The following EPN2 variants were observed in gnomAD, a reference collection of about 807,000 sequenced individuals.
EPN2 encodes the protein epsin 2.
EPN2 carries 34 observed loss-of-function variants against 61.7 expected under a neutral mutation model. The observed-to-expected ratio is 0.55, with a 90% CI of 0.42 to 0.73. EPN2 has a LOEUF of 0.73. Among genes scored for constraint, EPN2 ranks in the 30% least tolerant of loss-of-function variants. EPN2 has a pLI of 0.00. For synonymous variants in EPN2, 349 were observed against 353.6 expected (o/e 0.99, Z 0.15); for missense variants, 714 against 839.2 (o/e 0.85, Z 1.84).
chr17:19,336,416 T>C lies in EPN2; in HGVS notation c.*2162T>C, dbSNP rs1265135847. ...TAACGAGTCTTTCATGATGTGACTTTGAGGCCCCAACATGACAGCCACTGG... is the reference window on the plus strand; with the variant it reads ...TAACGAGTCTTTCATGATGTGACTTCGAGGCCCCAACATGACAGCCACTGG... On this transcript the variant is annotated 3_prime_UTR_variant, in exon 11 of 11. Transcript: ENST00000314728. The C allele has an allele frequency of 6.6e-6, 1 of 152,486 alleles. No individual in the cohort carries two copies. Among genetic ancestry groups the C allele is most frequent in the Non-Finnish European group, 1.5e-5 (1 of 68,062 alleles). The allele number at this position is 152,486 out of a possible 1,614,324, so 9.4% of individuals were successfully genotyped here.
chr17:19,331,024 C>A (rs1349024472), intron 9 of EPN2, among the ~76,000 whole-genome samples: 1 of 152,098 alleles, frequency 6.6e-6, no homozygotes, highest in Admixed American at 6.6e-5. Context: ...TGTTTTGAGT[C>A]TTTTTTGCTC....
At chr17:19,294,180 G>A (rs966551250) in intron 4 of EPN2, among the ~76,000 whole-genome samples, 2 of 151,968 alleles carry the variant, frequency 1.3e-5, no homozygotes, top group African/African-American at 4.8e-5. Context: ...CACTTCGAGA[G>A]GCTGAAGCAG....
chr17:19,335,589 C>CG lies in EPN2; in HGVS notation c.*1335_*1336insG. The CG allele has an allele frequency of 4.1e-6, 4 of 977,140 alleles. No homozygotes were observed. The highest frequency in any genetic ancestry group is 2.0e-5 in the South Asian group (1 of 49,102). 60.5% of individuals were successfully genotyped at this position (977,140 alleles called of 1,614,324 possible). ...GGGGTGCTTCTGTGCCCACGGGTCC[C>CG]TGGGCAACAGTCCCTAGGCTAAGAC... is the stretch of plus-strand genomic sequence containing the variant. On this transcript the variant is annotated 3_prime_UTR_variant, in exon 11 of 11. Coordinates refer to ENST00000314728, the MANE Select transcript of EPN2 (RefSeq NM_014964.5).
chr17:19,330,437 T>C (rs976941201), intron 9 of EPN2, among the ~76,000 whole-genome samples: 2 of 152,120 alleles, frequency 1.3e-5, no homozygotes, highest in African/African-American at 2.4e-5. Context: ...GGCTAGGCCC[T>C]GGTGTGAGGT....
intron 4 of EPN2, among the ~76,000 whole-genome samples, chr17:19,294,557 A>G (rs2045496677): frequency 6.6e-6 from 1 of 152,268 alleles, no homozygotes; most frequent in Admixed American, 6.5e-5. Context: ...TATTGTTTAT[A>G]AACTGTCAAT....
At position 19,313,117 on chromosome 17, in the gene EPN2, C is replaced by T; in HGVS notation, c.985C>T (p.Pro329Ser). Residue 329 changes from proline to serine, a missense_variant, in exon 7 of 11, where the codon CCA (proline) becomes TCA (serine). Coordinates refer to ENST00000314728, the MANE Select transcript of EPN2 (RefSeq NM_014964.5). ...IPKKKEHGSL[P>S]QQTTLLDLMD... The stretch of plus-strand genomic sequence containing the variant: ...TTTGTCTTAAAAGCATGGCTCTCTC[C>T]CACAGCAGACTACGCTGTTGGATTT... 1 of 1,613,750 alleles carries T rather than the reference C, an allele frequency of 6.2e-7. No individual in the cohort carries two copies. The highest frequency in any genetic ancestry group is 1.1e-5 in the South Asian group (1 of 91,068).
rs979739686 is a variant in EPN2, at chr17:19,328,961, T to G, written c.1324+74T>G. On this transcript the variant is annotated intron_variant, in intron 8 of 10. Coordinates refer to ENST00000314728, the MANE Select transcript of EPN2 (RefSeq NM_014964.5). ...GGGCCCTGCAGCCGCTCCTGGCTCC[T>G]AGGCATCAGCCCTGTTGCTTTGCTT... The G allele has an allele frequency of 2.2e-6, 3 of 1,379,194 alleles. No homozygotes were observed. The African/African-American group carries it at 4.3e-5, about 20-fold the overall frequency. The allele number at this position is 1,379,194 out of a possible 1,614,324, so 85.4% of individuals were successfully genotyped here.
At position 19,283,835 on chromosome 17, in the gene EPN2, C is replaced by G. The variant is rs538325977; in HGVS notation, c.595+121C>G. The stretch of plus-strand genomic sequence containing the variant: ...GCAGAGCTCGAACCTGTCCTCAGTA[C>G]CCAGCTTTTGGTGGCCCAGGCAAAT... On this transcript the variant is annotated intron_variant, in intron 3 of 10. Transcript: ENST00000314728. This position sits in a 1 kb window ranked among gnomAD's most constrained non-coding sequence, Gnocchi z 7.0. 13 of 738,442 alleles carry G rather than the reference C, an allele frequency of 1.8e-5. No homozygotes were observed. In the South Asian group the frequency reaches 2.5e-4, roughly 14 times the overall value. The allele number at this position is 738,442 out of a possible 1,614,324, so 45.7% of individuals were successfully genotyped here.
chr17:19,327,083 C>T (rs1340780548), intron 7 of EPN2, among the ~76,000 whole-genome samples: 1 of 152,164 alleles, frequency 6.6e-6, no homozygotes, highest in African/African-American at 2.4e-5. Context: ...GCAAGACTGG[C>T]ACCCACTGCT....
chr17:19,289,813 G>A (rs577576811), intron 4 of EPN2, among the ~76,000 whole-genome samples: 1 of 134,828 alleles, frequency 7.4e-6, no homozygotes, highest in East Asian at 2.1e-4. Context: ...TGCAACCTCC[G>A]CCTAGCTGGC....
chr17:19,286,237 C>G (rs940445264), intron 4 of EPN2, among the ~76,000 whole-genome samples: 1 of 152,154 alleles, frequency 6.6e-6, no homozygotes, highest in African/African-American at 2.4e-5. Flanking sequence ...AGCCATTATC[C>G]TTAATGCAGT....
At chr17:19,278,425 A>G (rs1010574597) in intron 1 of EPN2, among the ~76,000 whole-genome samples, 2 of 152,228 alleles carry the variant, frequency 1.3e-5, no homozygotes, top group Non-Finnish European at 2.9e-5. Flanking sequence ...CTTACATGGC[A>G]GCAACAAGAG....
At position 19,312,158 on chromosome 17, in the gene EPN2, G is replaced by A. The variant is rs978409768; in HGVS notation, c.972+14G>A. 6.3e-7 allele frequency: 1 copy of A among 1,595,164 alleles called. No homozygotes were observed. Among genetic ancestry groups the A allele is most frequent in the Non-Finnish European group, 8.6e-7 (1 of 1,163,142 alleles). On this transcript the variant is annotated intron_variant, in intron 6 of 10. Transcript: ENST00000314728. Reference sequence around the variant, plus strand: ...AAAAAGAAAGAGGTAAGAGCTTGCTGGGAGGGTAGATGTTTCACCCTGTCC... The same window carrying A: ...AAAAAGAAAGAGGTAAGAGCTTGCTAGGAGGGTAGATGTTTCACCCTGTCC...
At chr17:19,268,016 T>G (rs1466010451) in intron 1 of EPN2, among the ~76,000 whole-genome samples, 2 of 152,200 alleles carry the variant, frequency 1.3e-5, no homozygotes, top group Non-Finnish European at 2.9e-5. Flanking sequence ...TGAGGCCCTG[T>G]TGGTGCAGCC....
Position 19,335,577 on chromosome 17 carries a change from GCCCACGGGT to G in EPN2, c.*1327_*1335del, listed in dbSNP as rs1404932928. 1 of 1,136,274 alleles carries G rather than the reference GCCCACGGGT, an allele frequency of 8.8e-7. No individual in the cohort carries two copies. The highest frequency in any genetic ancestry group is 1.6e-5 in the African/African-American group (1 of 64,290). The allele number at this position is 1,136,274 out of a possible 1,614,324, so 70.4% of individuals were successfully genotyped here. On this transcript the variant is annotated 3_prime_UTR_variant, in exon 11 of 11. Coordinates refer to ENST00000314728, the MANE Select transcript of EPN2 (RefSeq NM_014964.5). The stretch of plus-strand genomic sequence containing the variant: ...GGCGTGGGGTGGGGGGTGCTTCTGT[GCCCACGGGT>G]CCCTGGGCAACAGTCCCTAGGCTAA...
intron 1 of EPN2, among the ~76,000 whole-genome samples, chr17:19,247,118 ATAC>A (rs1292213028): frequency 1.3e-5 from 2 of 152,164 alleles, no homozygotes; most frequent in Non-Finnish European, 2.9e-5. Flanking sequence ...TATAATGACT[ATAC>A]TATGGATGAC....
chr17:19,291,073 C>T (rs2045459557), intron 4 of EPN2, among the ~76,000 whole-genome samples: 1 of 152,192 alleles, frequency 6.6e-6, no homozygotes, highest in Admixed American at 6.5e-5. Context: ...TTTGAGTTGG[C>T]TTATAAAACA....
Position 19,309,924 on chromosome 17 carries a change from G to A in EPN2, c.806G>A (p.Arg269Gln), listed in dbSNP as rs1354417656. ...GTGTCCTCCGAGCTGGAGCAAGCCC[G>A]GCCCCAGACTAGTGGAGAAGAGGAG... The part of the protein sequence containing the change: ...PRVSSELEQA[R>Q]PQTSGEEELQ... Residue 269 changes from arginine (R) to glutamine (Q), a missense_variant, in exon 5 of 11, where the codon CGG becomes CAG. By Grantham distance (43) the Arg-to-Gln change is conservative. Transcript: ENST00000314728. 2.5e-6 allele frequency: 4 copies of A among 1,609,190 alleles called. No individual in the cohort carries two copies. Among genetic ancestry groups the A allele is most frequent in the Non-Finnish European group, 3.4e-6 (4 of 1,179,990 alleles).
chr17:19,258,633 T>C (rs945514782), intron 1 of EPN2, among the ~76,000 whole-genome samples: 3 of 152,192 alleles, frequency 2.0e-5, no homozygotes, highest in Non-Finnish European at 4.4e-5. Context: ...ACTCAGCAGC[T>C]AACTGTGATT....
Sources: allele counts gnomAD v4.1 joint callset (sites outside exome capture counted in the v4.1 genomes callset), GRCh38; gene constraint gnomAD v4.1.1; non-coding constraint Gnocchi (gnomAD v3.1); transcripts MANE v1.5; gene names NCBI Gene and HGNC (gene_info 2026-07-23, HGNC 2026-07-21).